RASSF6: variants seen among roughly 807,000 people sequenced by gnomAD.
RASSF6 encodes ras association domain-containing protein 6.
RASSF6 carries 52 observed loss-of-function variants against 44.0 expected under a neutral mutation model. The observed-to-expected ratio is 1.18, with a 90% CI of 0.95 to 1.49. The LOEUF (loss-of-function observed/expected upper bound fraction) is 1.49, where lower values mean the gene tolerates loss of function less well. Among genes scored for constraint, RASSF6 ranks in the 40% most tolerant of loss-of-function variants. The probability of loss-of-function intolerance (pLI) is 0.00; values close to 1 mark genes in which losing one functional copy is unlikely to be tolerated. For synonymous variants in RASSF6, 162 were observed against 124.6 expected, an observed-to-expected ratio of 1.30 and a Z score of -2.00; for missense variants, 464 against 393.3, an observed-to-expected ratio of 1.18 and a Z score of -1.52.
Position 73,575,185 on chromosome 4 carries a change from G to A in RASSF6, c.*1050C>T, listed in dbSNP as rs905476262. ...GATCAATTTACTACAATGCTTATGAGGAATGCAAATGGAATTAGTTTACAG... is the reference window on the plus strand; with the variant it reads ...GATCAATTTACTACAATGCTTATGAAGAATGCAAATGGAATTAGTTTACAG... On this transcript the variant is annotated 3_prime_UTR_variant, in exon 11 of 11. Transcript: ENST00000307439. 4 of 152,054 alleles carry A rather than the reference G, an allele frequency of 2.6e-5. No individual in the cohort carries two copies. The highest frequency in any genetic ancestry group is 5.9e-5 in the Non-Finnish European group (4 of 67,998). The allele number at this position is 152,054 out of a possible 1,614,324, so 9.4% of individuals were successfully genotyped here.
At chr4:73,599,353 C>G (rs1725136146) in intron 2 of RASSF6, among the ~76,000 whole-genome samples, 1 of 152,234 alleles carries the variant, frequency 6.6e-6, no homozygotes, top group South Asian at 2.1e-4. Flanking sequence ...GCCTGCCCCA[C>G]ACAGCTGACA....
rs55666896 is a variant in RASSF6, at chr4:73,601,202, A to G, written c.66-2484T>C. Among the ~76,000 whole-genome samples, 453 of 152,340 alleles carry G rather than the reference A, an allele frequency of 3.0e-3. 1 individual carries two copies. Among genetic ancestry groups the G allele is most frequent in the Admixed American group, 6.4e-3 (98 of 15,308 alleles). On this transcript the variant is annotated intron_variant, in intron 2 of 10. Transcript: ENST00000307439. ...TGAATAGAGCCTGACTAAATCCTCA[A>G]CTGAAATAAGTCTACAAATGACATA...
At chr4:73,603,532 C>T (rs1450182040) in intron 2 of RASSF6, among the ~76,000 whole-genome samples, 1 of 152,080 alleles carries the variant, frequency 6.6e-6, no homozygotes, top group African/African-American at 2.4e-5. Flanking sequence ...TCCTTTAAGG[C>T]TCCAGCTTGG....
At chr4:73,589,965 C>A (rs1454404929) in intron 4 of RASSF6, among the ~76,000 whole-genome samples, 2 of 152,152 alleles carry the variant, frequency 1.3e-5, no homozygotes, top group Non-Finnish European at 2.9e-5. Flanking sequence ...CCAGTTTGTG[C>A]TCTTTATGTT....
At chr4:73,603,407 G>A (rs1325406816) in intron 2 of RASSF6, among the ~76,000 whole-genome samples, 9 of 152,030 alleles carry the variant, frequency 5.9e-5, no homozygotes, top group South Asian at 2.1e-4. Flanking sequence ...GGTATAAGCC[G>A]ATGAATACCC....
Position 73,576,458 on chromosome 4 carries a change from T to C in RASSF6, c.890A>G (p.Gln297Arg), listed in dbSNP as rs1432043906. ...TCTTTTCTCTTCTTCATTTAATCTT[T>C]GAAGAATGGATTCCAAGAGAGAAAA... ...FHFSLLESIL[Q>R]RLNEEEKREI... is the part of the protein sequence containing the mutation. Residue 297 changes from glutamine to arginine, a missense_variant, in exon 10 of 11, where the codon CAA (glutamine) becomes CGA (arginine). Transcript: ENST00000307439. The C allele has an allele frequency of 5.0e-6, 8 of 1,585,710 alleles. No homozygotes were observed. The highest frequency in any genetic ancestry group is 6.9e-6 in the Non-Finnish European group (8 of 1,163,356).
At chr4:73,592,040 G>T (rs1435204153) in intron 4 of RASSF6, among the ~76,000 whole-genome samples, 2 of 152,172 alleles carry the variant, frequency 1.3e-5, no homozygotes, top group Non-Finnish European at 2.9e-5. Flanking sequence ...TGGAGAACAT[G>T]TTACCTCACC....
At position 73,575,191 on chromosome 4, in the gene RASSF6, C is replaced by T. The variant is rs1723132170; in HGVS notation, c.*1044G>A. Reference sequence around the variant, plus strand: ...TTTACTACAATGCTTATGAGGAATGCAAATGGAATTAGTTTACAGAATGAA... The same window carrying T: ...TTTACTACAATGCTTATGAGGAATGTAAATGGAATTAGTTTACAGAATGAA... On this transcript the variant is annotated 3_prime_UTR_variant, in exon 11 of 11. Coordinates refer to ENST00000307439, the MANE Select transcript of RASSF6 (RefSeq NM_177532.5). 6.6e-6 allele frequency: 1 copy of T among 152,118 alleles called. No individual in the cohort carries two copies. The highest frequency in any genetic ancestry group is 1.5e-5 in the Non-Finnish European group (1 of 68,008). 9.4% of individuals were successfully genotyped at this position (152,118 alleles called of 1,614,324 possible). A position where few individuals can be genotyped will look rare whatever the true frequency, so the allele number is the denominator to read the frequency against.
Position 73,576,620 on chromosome 4 carries a change from C to G in RASSF6, c.833G>C (p.Ser278Thr), listed in dbSNP as rs1723247142. 6.2e-7 allele frequency: 1 copy of G among 1,610,464 alleles called. No homozygotes were observed. The change falls in exon 9 of 11, where the codon AGC (serine) becomes ACC (threonine). Residue 278 changes from serine to threonine, a missense_variant. Transcript: ENST00000307439. The part of the protein sequence containing the change: ...FLMDKDAEEI[S>T]SDVAQYINFH... ...GGGTGATGGTATTCATACATCACTGCTAATTTCTTCTGCATCTTTATCCAT... is the reference window on the plus strand; with the variant it reads ...GGGTGATGGTATTCATACATCACTGGTAATTTCTTCTGCATCTTTATCCAT...
At chr4:73,603,134 C>G (rs1725394478) in intron 2 of RASSF6, among the ~76,000 whole-genome samples, 1 of 152,092 alleles carries the variant, frequency 6.6e-6, no homozygotes, top group Admixed American at 6.6e-5. Flanking sequence ...ACACAAATTT[C>G]TCACACTTTT....
intron 4 of RASSF6, among the ~76,000 whole-genome samples, chr4:73,592,114 T>C (rs1724603551): frequency 6.6e-6 from 1 of 152,198 alleles, no homozygotes; most frequent in South Asian, 2.1e-4. Flanking sequence ...GGGAGACTTC[T>C]AGGCAGAGTC....
intron 2 of RASSF6, chr4:73,604,724 A>G (rs1183338650): frequency 6.6e-6 from 1 of 152,222 alleles, no homozygotes; most frequent in Non-Finnish European, 1.5e-5. Flanking sequence ...AGCTGAATTT[A>G]GAACTTTATA....
At chr4:73,598,216 T>A (rs904072686) in intron 3 of RASSF6, among the ~76,000 whole-genome samples, 4 of 152,348 alleles carry the variant, frequency 2.6e-5, no homozygotes, top group East Asian at 1.9e-4. Context: ...TATTGGAATC[T>A]AATGCATTCA....
intron 8 of RASSF6, among the ~76,000 whole-genome samples, chr4:73,578,902 G>A (rs1010919568): frequency 6.6e-6 from 1 of 151,878 alleles, no homozygotes; most frequent in Non-Finnish European, 1.5e-5. Context: ...ATGAGCCACC[G>A]TGCCTGACAC....
Position 73,585,194 on chromosome 4 carries a change from A to G in RASSF6, c.553T>C (p.Phe185Leu). The change falls in exon 6 of 11, where the codon TTC becomes CTC. Residue 185 changes from phenylalanine (F) to leucine (L), a missense_variant. Coordinates refer to ENST00000307439, the MANE Select transcript of RASSF6 (RefSeq NM_177532.5). Reference sequence around the variant, plus strand: ...AACTCACTTACTTCATGGTTATAGAAGTGTCCATTAATAGAGGCTCTATTT... The same window carrying G: ...AACTCACTTACTTCATGGTTATAGAGGTGTCCATTAATAGAGGCTCTATTT... ...QKNRASINGH[F>L]YNHETSIFIP... is the part of the protein sequence containing the mutation. 2 of 1,602,600 alleles carry G rather than the reference A, an allele frequency of 1.2e-6. No homozygotes were observed. The highest frequency in any genetic ancestry group is 1.1e-5 in the South Asian group (1 of 88,636).
In RASSF6 at chr4:73,582,220, T is replaced by A; in HGVS notation, c.638A>T (p.Glu213Val). The A allele has an allele frequency of 1.3e-6, 2 of 1,590,140 alleles. No homozygotes were observed. Among genetic ancestry groups the A allele is most frequent in the Non-Finnish European group, 8.6e-7 (1 of 1,164,412 alleles). ...VRVNSNMRTE[E>V]VIKQLLQKFK... is the part of the protein sequence containing the mutation. ...TTTTTGGAGAAGTTGCTTTATTACT[T>A]CTTCAGTTCTCATGTTACTGTTTAC... The change falls in exon 7 of 11, where the codon GAA (glutamate) becomes GTA (valine). Residue 213 changes from glutamate to valine, a missense_variant. By Grantham distance (121) the Glu-to-Val change is moderately radical. Transcript: ENST00000307439.
rs1726135255 is a variant in RASSF6, at chr4:73,613,066, C to T, written c.-34-1237G>A. On this transcript the variant is annotated intron_variant, in intron 1 of 10. Transcript: ENST00000307439. ...GGAAATCTTAAAGTCTCCCCATGTC[C>T]TTTGAATCCACACTGTTGTCATCAT... 2.6e-5 allele frequency among the ~76,000 whole-genome samples: 4 copies of T among 152,300 alleles called. No individual in the cohort carries two copies. The South Asian group carries it at 8.3e-4, about 32-fold the overall frequency.
intron 3 of RASSF6, among the ~76,000 whole-genome samples, chr4:73,594,370 A>C (rs958757434): frequency 6.6e-6 from 1 of 152,224 alleles, no homozygotes; most frequent in Non-Finnish European, 1.5e-5. Context: ...ATTATGAAGA[A>C]TCAATTGTTA....
intron 8 of RASSF6, among the ~76,000 whole-genome samples, chr4:73,577,108 CT>C (rs771725021): frequency 5.3e-5 from 8 of 152,166 alleles, no homozygotes; most frequent in Non-Finnish European, 8.8e-5. Context: ...GTAATTCCAT[CT>C]TTCTGGTTCT....
Sources: allele counts gnomAD v4.1 joint callset (sites outside exome capture counted in the v4.1 genomes callset), GRCh38; gene constraint gnomAD v4.1.1; transcripts MANE v1.5; gene names NCBI Gene and HGNC (gene_info 2026-07-23, HGNC 2026-07-21).